Variants in NR2F1-AS1 observed in about 807,000 individuals in gnomAD.
NR2F1-AS1 encodes the protein NR2F1 antisense RNA 1.
At chr5:93,497,309 G>A (rs115511082) in intron 4 of NR2F1-AS1, among the ~76,000 whole-genome samples, 6 of 152,276 alleles carry the variant, frequency 3.9e-5, no homozygotes, top group African/African-American at 1.4e-4. Flanking sequence ...TTAAGTTGCT[G>A]TGTGAAAGGC....
intron 4 of NR2F1-AS1, among the ~76,000 whole-genome samples, chr5:93,494,934 T>C (rs1005597606): frequency 3.3e-5 from 5 of 152,058 alleles, no homozygotes; most frequent in Admixed American, 2.6e-4. Context: ...TGAAAGAAAG[T>C]AGAACAACAG....
chr5:93,531,836 GTTC>G (rs1224494922), intron 4 of NR2F1-AS1, among the ~76,000 whole-genome samples: 6 of 152,264 alleles, frequency 3.9e-5, no homozygotes, highest in South Asian at 4.1e-4. Context: ...AACTGAAACA[GTTC>G]TTCAAGCCAA....
chr5:93,507,872 C>T (rs1043183401), intron 4 of NR2F1-AS1, among the ~76,000 whole-genome samples: 27 of 151,938 alleles, frequency 1.8e-4, no homozygotes, highest in Admixed American at 3.3e-4. Flanking sequence ...CATCTCATTC[C>T]AATAGAAACA....
intron 4 of NR2F1-AS1, among the ~76,000 whole-genome samples, chr5:93,495,162 C>T (rs1750933485): frequency 6.6e-6 from 1 of 152,102 alleles, no homozygotes; most frequent in Non-Finnish European, 1.5e-5. Flanking sequence ...CAAATAATGA[C>T]ATTATACTTA....
chr5:93,525,547 G>T (rs956935035), intron 4 of NR2F1-AS1, among the ~76,000 whole-genome samples: 1 of 152,034 alleles, frequency 6.6e-6, no homozygotes, highest in African/African-American at 2.4e-5. Context: ...CCAAATCAAC[G>T]GAATATACCT....
intron 4 of NR2F1-AS1, among the ~76,000 whole-genome samples, chr5:93,525,524 A>G (rs1751593780): frequency 6.6e-6 from 1 of 152,212 alleles, no homozygotes; most frequent in South Asian, 2.1e-4. Context: ...AGACATCTAC[A>G]CAACTCTCCA....
chr5:93,566,905 CTT>C (rs1342505482), intron 1 of NR2F1-AS1, among the ~76,000 whole-genome samples: 2 of 151,792 alleles, frequency 1.3e-5, no homozygotes, highest in East Asian at 1.9e-4. Context: ...ATATAAATGA[CTT>C]TAATAATTTT....
chr5:93,444,240 A>G (rs1749640799), intron 4 of NR2F1-AS1, among the ~76,000 whole-genome samples: 1 of 152,208 alleles, frequency 6.6e-6, no homozygotes, highest in Non-Finnish European at 1.5e-5. Flanking sequence ...GCTCCAGTTA[A>G]AAGACACAGA....
At chr5:93,532,728 G>C (rs563195925) in intron 4 of NR2F1-AS1, among the ~76,000 whole-genome samples, 139 of 152,362 alleles carry the variant, frequency 9.1e-4, no homozygotes, top group Middle Eastern at 3.4e-3. Context: ...CAGAAACCAT[G>C]AGCCTCAGAT....
At chr5:93,525,665 C>A (rs1751598110) in intron 4 of NR2F1-AS1, among the ~76,000 whole-genome samples, 1 of 152,132 alleles carries the variant, frequency 6.6e-6, no homozygotes, top group Non-Finnish European at 1.5e-5. Context: ...TCTCTCAGAC[C>A]ATAGTGCAAT....
At chr5:93,490,810 G>T (rs889242811) in intron 4 of NR2F1-AS1, among the ~76,000 whole-genome samples, 1 of 150,908 alleles carries the variant, frequency 6.6e-6, no homozygotes, top group South Asian at 2.1e-4. Context: ...GGTATTTATG[G>T]TGGTTGTGGT....
At chr5:93,421,245 C>T (rs867509986) in intron 4 of NR2F1-AS1, among the ~76,000 whole-genome samples, 1 of 151,848 alleles carries the variant, frequency 6.6e-6, no homozygotes, top group Non-Finnish European at 1.5e-5. Flanking sequence ...TGATGGAGAC[C>T]GAAATGTCTG....
At chr5:93,495,893 C>T (rs946593040) in intron 4 of NR2F1-AS1, among the ~76,000 whole-genome samples, 3 of 151,824 alleles carry the variant, frequency 2.0e-5, no homozygotes, top group African/African-American at 7.3e-5. Context: ...ACTTTAAAAG[C>T]AGGAAAAAAA....
intron 1 of NR2F1-AS1, chr5:93,563,500 A>G (rs1464518051): frequency 6.6e-6 from 1 of 152,228 alleles, no homozygotes; most frequent in Non-Finnish European, 1.5e-5. Context: ...AGTGTAAAAA[A>G]TTCCTTATAT....
chr5:93,541,997 T>C (rs573936394), intron 4 of NR2F1-AS1: 12 of 151,772 alleles, frequency 7.9e-5, no homozygotes, highest in South Asian at 6.3e-4. Flanking sequence ...GGTTCCAATA[T>C]GGCAAAGTAC....
intron 4 of NR2F1-AS1, among the ~76,000 whole-genome samples, chr5:93,456,313 T>G (rs1427955928): frequency 1.3e-5 from 2 of 152,118 alleles, no homozygotes; most frequent in African/African-American, 4.8e-5. Context: ...TAACTGGAAA[T>G]TATAATTCAA....
chr5:93,498,331 T>G (rs1368787796), intron 4 of NR2F1-AS1, among the ~76,000 whole-genome samples: 3 of 152,076 alleles, frequency 2.0e-5, no homozygotes, highest in African/African-American at 7.2e-5. Flanking sequence ...TTCCTCTAGC[T>G]AAAACATTTT....
At chr5:93,487,226 A>G (rs1245853134) in intron 4 of NR2F1-AS1, among the ~76,000 whole-genome samples, 1 of 152,208 alleles carries the variant, frequency 6.6e-6, no homozygotes, top group African/African-American at 2.4e-5. Context: ...TATTCAACAT[A>G]GTATTGGAAG....
intron 2 of NR2F1-AS1, chr5:93,563,273 T>C (rs1454362014): frequency 6.6e-6 from 1 of 152,224 alleles, no homozygotes; most frequent in African/African-American, 2.4e-5. Flanking sequence ...GTAACATATA[T>C]GAACTACACA....
Sources: gnomAD v4.1 joint callset for allele counts (sites outside exome capture counted in the v4.1 genomes callset) on GRCh38, gnomAD v4.1.1 for gene constraint, MANE v1.5 for transcripts, NCBI Gene and HGNC (gene_info 2026-07-23, HGNC 2026-07-21) for gene names.